The following NCAPG2 variants were observed in gnomAD, a reference collection of about 807,000 sequenced individuals.
NCAPG2 encodes the protein condensin-2 complex subunit G2.
Under a neutral mutation model 141.1 loss-of-function variants are expected in NCAPG2, and 53 were observed. The ratio of observed to expected loss-of-function variants is 0.38; its 90% CI spans 0.30 to 0.47. The LOEUF is 0.47. NCAPG2 is among the 20% of genes least tolerant of loss of function. NCAPG2 has a pLI of 0.99. For synonymous variants in NCAPG2, 499 were observed against 490.7 expected (o/e 1.02, Z -0.22); for missense variants, 1,087 against 1,389.0 (o/e 0.78, Z 3.46).
intron 13 of NCAPG2, among the ~76,000 whole-genome samples, chr7:158,666,867 C>G (rs981999481): frequency 3.3e-5 from 5 of 152,188 alleles, no homozygotes; most frequent in Non-Finnish European, 5.9e-5. Context: ...CCTACCACAG[C>G]TGACAAAGGA....
chr7:158,673,483 C>T (rs1833872660), intron 12 of NCAPG2, among the ~76,000 whole-genome samples: 2 of 152,182 alleles, frequency 1.3e-5, no homozygotes, highest in South Asian at 4.1e-4. Flanking sequence ...CAGCATGGGC[C>T]CAGTCTGAAG....
chr7:158,636,956 T>TC (rs1158396962), intron 27 of NCAPG2, among the ~76,000 whole-genome samples: 1 of 146,406 alleles, frequency 6.8e-6, no homozygotes, highest in African/African-American at 2.6e-5. Context: ...CTTCTTCTTC[T>TC]TTTTTTTTTG....
chr7:158,701,856 A>G lies in NCAPG2; in HGVS notation c.44T>C (p.Leu15Pro), dbSNP rs201943203. 2.7e-5 allele frequency: 44 copies of G among 1,613,682 alleles called. No individual in the cohort carries two copies. The highest frequency in any genetic ancestry group is 3.5e-5 in the Non-Finnish European group (41 of 1,179,972). The change falls in exon 2 of 28, where the codon CTG becomes CCG. Residue 15 changes from leucine to proline, a missense_variant. Transcript: ENST00000356309. ...AACAAATTGCAAAAACTCTCCAACC[A>G]GCTCCTTAGACACGGCTTGTACAAA... ...ETFVQAVSKE[L>P]VGEFLQFVQL...
intron 1 of NCAPG2, chr7:158,702,488 C>T (rs1408678402): frequency 1.3e-5 from 2 of 152,292 alleles, no homozygotes; most frequent in African/African-American, 4.8e-5. Context: ...CCCACCCCTT[C>T]GGGATAATGA....
At chr7:158,659,711 G>A (rs1832327076) in intron 16 of NCAPG2, among the ~76,000 whole-genome samples, 2 of 152,100 alleles carry the variant, frequency 1.3e-5, no homozygotes, top group Non-Finnish European at 2.9e-5. Context: ...TAATTTTCCT[G>A]AAAATACATA....
intron 7 of NCAPG2, among the ~76,000 whole-genome samples, chr7:158,686,667 A>G (rs764388522): frequency 1.1e-4 from 16 of 152,226 alleles, no homozygotes; most frequent in African/African-American, 3.9e-4. Flanking sequence ...TTAGAAATCT[A>G]TTAGTTCAAC....
chr7:158,643,666 G>A (rs1830798363), intron 27 of NCAPG2, among the ~76,000 whole-genome samples: 1 of 152,230 alleles, frequency 6.6e-6, no homozygotes, highest in African/African-American at 2.4e-5. Flanking sequence ...ATTTCCTAGT[G>A]CAGAGCTTTA....
At position 158,648,573 on chromosome 7, in the gene NCAPG2, GGACGACAACCACGC is replaced by G. The variant is rs1277535607; in HGVS notation, c.3076-2024_3076-2011del. Among the ~76,000 whole-genome samples, 966 of 130,656 alleles carry G rather than the reference GGACGACAACCACGC, an allele frequency of 7.4e-3. 110 individuals carry two copies. The highest frequency in any genetic ancestry group is 0.025 in the African/African-American group (890 of 35,734). The allele number at this position is 130,656 out of a possible 152,430, so 85.7% of individuals were successfully genotyped here. ...CAAATGGACGACAACCACGCCAAATGGACGACAACCACGCCAAATGGACGACAACCACGCCAAAT... is the reference window on the plus strand; with the variant it reads ...CAAATGGACGACAACCACGCCAAATGCAAATGGACGACAACCACGCCAAAT... On this transcript the variant is annotated intron_variant, in intron 24 of 27. Coordinates refer to ENST00000356309, the MANE Select transcript of NCAPG2 (RefSeq NM_017760.7).
chr7:158,689,822 T>G lies in NCAPG2; in HGVS notation c.669A>C (p.Glu223Asp), dbSNP rs369598032. ...CFININYIKK[E>D]EGRRFLSCLF... Reference sequence around the variant, plus strand: ...CAAAAAACAAATACCTATTTACCTCTTCTTTCTTGATATAATTAATATTTA... The same window carrying G: ...CAAAAAACAAATACCTATTTACCTCGTCTTTCTTGATATAATTAATATTTA... Residue 223 changes from glutamate to aspartate, a missense_variant, in exon 6 of 28, where the codon GAA becomes GAC. Glu to Asp is a conservative substitution (Grantham distance 45, BLOSUM62 2). Coordinates refer to ENST00000356309, the MANE Select transcript of NCAPG2 (RefSeq NM_017760.7). The G allele has an allele frequency of 3.4e-5, 53 of 1,576,366 alleles. No homozygotes were observed. The highest frequency in any genetic ancestry group is 4.5e-5 in the Non-Finnish European group (52 of 1,156,648).
intron 24 of NCAPG2, 115 bp downstream of exon 24, chr7:158,650,717 A>G: frequency 7.4e-7 from 1 of 1,352,978 alleles, no homozygotes; most frequent in Admixed American, 2.5e-5. Flanking sequence ...CACTCACTCA[A>G]GTTTGAAAAT....
chr7:158,634,329 T>TGTCTATATACTATATC (rs1490611699), intron 27 of NCAPG2, among the ~76,000 whole-genome samples: 1 of 152,210 alleles, frequency 6.6e-6, no homozygotes, highest in Non-Finnish European at 1.5e-5. Flanking sequence ...TATACTATAT[T>TGTCTATATACTATATC]GTCTATATAC....
chr7:158,675,908 T>C (rs1451798871), intron 11 of NCAPG2, among the ~76,000 whole-genome samples: 2 of 152,200 alleles, frequency 1.3e-5, no homozygotes, highest in East Asian at 1.9e-4. Flanking sequence ...AAACCAGCTC[T>C]GTCATTCAGT....
chr7:158,652,586 T>A (rs1457768947), intron 22 of NCAPG2, 106 bp from the exon 23 acceptor site: 4 of 935,902 alleles, frequency 4.3e-6, no homozygotes, highest in Non-Finnish European at 6.2e-6. Context: ...AAAAAAGAGA[T>A]TATTACACTT....
chr7:158,692,604 G>A (rs1406650374), intron 4 of NCAPG2, among the ~76,000 whole-genome samples: 1 of 152,154 alleles, frequency 6.6e-6, no homozygotes, highest in East Asian at 1.9e-4. Context: ...AGGCGGGCGT[G>A]GTGGTGAATG....
At chr7:158,658,932 CTTTGTG>C (rs1235118397) in intron 16 of NCAPG2, among the ~76,000 whole-genome samples, 1 of 150,390 alleles carries the variant, frequency 6.6e-6, no homozygotes, top group East Asian at 2.0e-4. Flanking sequence ...AATCCCAACG[CTTTGTG>C]AGCCTGAGGT....
intron 22 of NCAPG2, among the ~76,000 whole-genome samples, chr7:158,653,452 T>A (rs1285665710): frequency 6.6e-6 from 1 of 152,050 alleles, no homozygotes; most frequent in Non-Finnish European, 1.5e-5. Flanking sequence ...ATATTTACTC[T>A]TAAACTTTAG....
intron 15 of NCAPG2, among the ~76,000 whole-genome samples, chr7:158,663,275 T>C (rs1480865224): frequency 6.6e-6 from 1 of 152,238 alleles, no homozygotes; most frequent in Admixed American, 6.5e-5. Context: ...CTCTGAACAC[T>C]GGCAGTGAGG....
intron 1 of NCAPG2, among the ~76,000 whole-genome samples, chr7:158,703,910 G>A (rs532263446): frequency 1.2e-3 from 179 of 148,420 alleles, no homozygotes; most frequent in African/African-American, 4.2e-3. Flanking sequence ...TACACCCAGG[G>A]CTCAGGGGGA....
At chr7:158,636,970 C>T (rs10240252) in intron 27 of NCAPG2, among the ~76,000 whole-genome samples, 26 of 151,176 alleles carry the variant, frequency 1.7e-4, no homozygotes, top group Middle Eastern at 3.5e-3. Context: ...TTTTTTGAGA[C>T]GGAGCCCTGC....
Sources: allele counts gnomAD v4.1 joint callset (sites outside exome capture counted in the v4.1 genomes callset), GRCh38; gene constraint gnomAD v4.1.1; transcripts MANE v1.5; gene names NCBI Gene and HGNC (gene_info 2026-07-23, HGNC 2026-07-21).